The following TSPAN3 variants were observed in gnomAD, a reference collection of about 807,000 sequenced individuals.
TSPAN3 encodes tetraspanin 3.
Under a neutral mutation model 31.1 loss-of-function variants are expected in TSPAN3, and 9 were observed. The ratio of observed to expected loss-of-function variants is 0.29; its 90% confidence interval spans 0.17 to 0.50. TSPAN3 has a LOEUF of 0.50. TSPAN3 is among the 20% of genes least tolerant of loss of function. The pLI is 0.98. For missense variants in TSPAN3, 252 were observed against 313.5 expected (o/e 0.80, Z 1.48); for synonymous variants, 129 against 114.3 (o/e 1.13, Z -0.82).
intron 4 of TSPAN3, among the ~76,000 whole-genome samples, chr15:77,053,444 G>A (rs71405233): frequency 8.5e-5 from 5 of 58,968 alleles, no homozygotes; most frequent in Non-Finnish European, 1.2e-4. Context: ...GTGAAATTTC[G>A]CCATCTCAAA....
chr15:77,054,080 G>A (rs986594163), intron 4 of TSPAN3, 98 bp downstream of exon 4: 3 of 857,284 alleles, frequency 3.5e-6, no homozygotes, highest in Non-Finnish European at 5.8e-6. Flanking sequence ...CCATGTATGT[G>A]AAGAAACATG....
intron 2 of TSPAN3, 56 bp from the exon 3 acceptor site, chr15:77,055,919 A>C: frequency 6.5e-7 from 1 of 1,549,100 alleles, no homozygotes; most frequent in South Asian, 1.2e-5. Flanking sequence ...CTTTAAATAC[A>C]CTCTTGATTT....
At chr15:77,070,584 G>GGA (rs1000694385) in intron 1 of TSPAN3, among the ~76,000 whole-genome samples, 2 of 150,820 alleles carry the variant, frequency 1.3e-5, no homozygotes, top group Non-Finnish European at 3.0e-5. Flanking sequence ...GGCGACTCCG[G>GGA]GGGGGGGAGA....
At chr15:77,052,223 A>G (rs1411163903) in intron 6 of TSPAN3, among the ~76,000 whole-genome samples, 162 bp downstream of exon 6, 1 of 152,230 alleles carries the variant, frequency 6.6e-6, no homozygotes, top group Non-Finnish European at 1.5e-5. Flanking sequence ...CTAGGTGTAT[A>G]GACAAGAAAT....
intron 1 of TSPAN3, chr15:77,063,324 T>C (rs1191991701): frequency 1.3e-5 from 2 of 152,116 alleles, no homozygotes; most frequent in East Asian, 3.8e-4. Context: ...CTACTTAAAT[T>C]GGGGTGTAAA....
At chr15:77,052,339 G>A (rs1271126316) in intron 6 of TSPAN3, 46 bp downstream of exon 6, 1 of 1,554,710 alleles carries the variant, frequency 6.4e-7, no homozygotes, top group Non-Finnish European at 8.9e-7. Context: ...GCTGACAACA[G>A]AGAACCAACT....
chr15:77,069,889 C>G (rs1236483916), intron 1 of TSPAN3: 1 of 152,234 alleles, frequency 6.6e-6, no homozygotes, highest in African/African-American at 2.4e-5. Context: ...ATGACAAGTT[C>G]AGAGAGGCAA....
At position 77,070,968 on chromosome 15, in the gene TSPAN3, C is replaced by G; in HGVS notation, c.-14G>C. The G allele has an allele frequency of 1.4e-6, 2 of 1,424,506 alleles. No individual in the cohort carries two copies. The highest frequency in any genetic ancestry group is 1.8e-6 in the Non-Finnish European group (2 of 1,082,170). The allele number at this position is 1,424,506 out of a possible 1,614,324, so 88.2% of individuals were successfully genotyped here. On this transcript the variant is annotated 5_prime_UTR_variant, in exon 1 of 7. Transcript: ENST00000267970. The stretch of plus-strand genomic sequence containing the variant: ...GCACTGGCCCATGGCGCCGGTGGCC[C>G]GCGAAGGCCCGGCCCGGAGAGCGGG...
chr15:77,066,816 T>C (rs1359536938), intron 1 of TSPAN3, among the ~76,000 whole-genome samples: 1 of 152,160 alleles, frequency 6.6e-6, no homozygotes, highest in Non-Finnish European at 1.5e-5. Flanking sequence ...TGTCTTAGTC[T>C]GTTTTCTGTT....
chr15:77,070,975 GC>G lies in TSPAN3; in HGVS notation c.-22del. On this transcript the variant is annotated 5_prime_UTR_variant, in exon 1 of 7. Transcript: ENST00000267970. ...CCCATGGCGCCGGTGGCCCGCGAAG[GC>G]CCGGCCCGGAGAGCGGGGCTGCGCT... 7.0e-7 allele frequency: 1 copy of G among 1,419,380 alleles called. No individual in the cohort carries two copies. Among genetic ancestry groups the G allele is most frequent in the Non-Finnish European group, 9.3e-7 (1 of 1,078,752 alleles). 87.9% of individuals were successfully genotyped at this position (1,419,380 alleles called of 1,614,324 possible).
At position 77,044,222 on chromosome 15, in the gene TSPAN3, T is replaced by C. The variant is rs941967557; in HGVS notation, c.*2613A>G. The C allele has an allele frequency of 6.6e-6, 1 of 152,178 alleles. No homozygotes were observed. Among genetic ancestry groups the C allele is most frequent in the Non-Finnish European group, 1.5e-5 (1 of 68,044 alleles). The allele number at this position is 152,178 out of a possible 1,614,324, so 9.4% of individuals were successfully genotyped here. A position where few individuals can be genotyped will look rare whatever the true frequency, so the allele number is the denominator to read the frequency against. On this transcript the variant is annotated 3_prime_UTR_variant, in exon 7 of 7. Coordinates refer to ENST00000267970, the MANE Select transcript of TSPAN3 (RefSeq NM_005724.6). ...TCTCAAAGTGCCCCGGTGCTTCCAA[T>C]GTGCAGCCACGGGCAGGAAACACCA...
rs935736264 is a variant in TSPAN3, at chr15:77,046,495, A to G, written c.*340T>C. 1 of 422,394 alleles carries G rather than the reference A, an allele frequency of 2.4e-6. No individual in the cohort carries two copies. Among genetic ancestry groups the G allele is most frequent in the Non-Finnish European group, 4.2e-6 (1 of 239,144 alleles). The allele number at this position is 422,394 out of a possible 1,614,324, so 26.2% of individuals were successfully genotyped here. A position where few individuals can be genotyped will look rare whatever the true frequency, so the allele number is the denominator to read the frequency against. On this transcript the variant is annotated 3_prime_UTR_variant, in exon 7 of 7. Coordinates refer to ENST00000267970, the MANE Select transcript of TSPAN3 (RefSeq NM_005724.6). Reference sequence around the variant, plus strand: ...CTGTGAAGACTGAAAGGACCTGGTGACATTTCGGCATCAGTCCTGTTACCA... The same window carrying G: ...CTGTGAAGACTGAAAGGACCTGGTGGCATTTCGGCATCAGTCCTGTTACCA...
At chr15:77,054,349 A>C in intron 3 of TSPAN3, 70 bp from the exon 4 acceptor site, 1 of 1,079,276 alleles carries the variant, frequency 9.3e-7, no homozygotes, top group Non-Finnish European at 1.4e-6. Context: ...GGCTCCTACT[A>C]AAATACTTAA....
rs1335401318 is a variant in TSPAN3, at chr15:77,070,898, G to A, written c.57C>T (p.Ile19=). 7.1e-7 allele frequency: 1 copy of A among 1,407,010 alleles called. No individual in the cohort carries two copies. The highest frequency in any genetic ancestry group is 9.4e-7 in the Non-Finnish European group (1 of 1,067,962). The allele number at this position is 1,407,010 out of a possible 1,614,324, so 87.2% of individuals were successfully genotyped here. ...TCTGCCCGGCCCCGCTCACCCAGAA[G>A]ATGAGGTTGAGAAAGACCAGCACGG... is the stretch of plus-strand genomic sequence containing the variant. The part of the protein sequence containing the change: ...SKTVLVFLNL[I]FWGAAGILCY... The change falls in exon 1 of 7, where the codon ATC becomes ATT. Residue 19 remains isoleucine, a synonymous_variant. Coordinates refer to ENST00000267970, the MANE Select transcript of TSPAN3 (RefSeq NM_005724.6).
At chr15:77,053,162 A>G (rs2076742768) in intron 4 of TSPAN3, among the ~76,000 whole-genome samples, 1 of 152,180 alleles carries the variant, frequency 6.6e-6, no homozygotes, top group Non-Finnish European at 1.5e-5. Flanking sequence ...TAATGTAAAC[A>G]GCCAGACATG....
At chr15:77,054,390 T>C in intron 3 of TSPAN3, 111 bp from the exon 4 acceptor site, 1 of 721,524 alleles carries the variant, frequency 1.4e-6, no homozygotes, top group Non-Finnish European at 2.3e-6. Flanking sequence ...CAGATATCTA[T>C]GAATTTCCTG....
chr15:77,057,032 A>G (rs560702645), intron 1 of TSPAN3, among the ~76,000 whole-genome samples: 1 of 152,268 alleles, frequency 6.6e-6, no homozygotes, highest in Non-Finnish European at 1.5e-5. Context: ...GGTATTAAAG[A>G]CCTAAAGGGA....
intron 1 of TSPAN3, among the ~76,000 whole-genome samples, chr15:77,068,733 G>A (rs559815860): frequency 6.6e-5 from 10 of 152,294 alleles, no homozygotes; most frequent in East Asian, 1.9e-4. Context: ...GAGAACACAC[G>A]GTGCTTGGTT....
At chr15:77,056,039 T>C (rs1375273271) in intron 2 of TSPAN3, 25 bp downstream of exon 2, 5 of 1,584,016 alleles carry the variant, frequency 3.2e-6, no homozygotes, top group Non-Finnish European at 4.3e-6. Context: ...TAAATACTCC[T>C]GCATGTTCTC....
Sources: allele counts gnomAD v4.1 joint callset (sites outside exome capture counted in the v4.1 genomes callset), GRCh38; gene constraint gnomAD v4.1.1; transcripts MANE v1.5; gene names NCBI Gene and HGNC (gene_info 2026-07-23, HGNC 2026-07-21).